Variants in ARNT observed in about 807,000 individuals in gnomAD.
The protein encoded by ARNT is aryl hydrocarbon receptor nuclear translocator.
A neutral mutation model predicts 105.0 loss-of-function variants in ARNT; 30 were observed. That is an observed-to-expected ratio of 0.29 (90% CI 0.21 to 0.39). The LOEUF (loss-of-function observed/expected upper bound fraction) is 0.39. Ranked by LOEUF, ARNT falls within the 10% of genes least tolerant of loss-of-function variation. ARNT has a pLI of 1.00. For missense variants in ARNT, 748 were observed against 978.7 expected, an observed-to-expected ratio of 0.76 and a Z score of 3.15; for synonymous variants, 304 against 344.0, an observed-to-expected ratio of 0.88 and a Z score of 1.29.
intron 21 of ARNT, 22 bp downstream of exon 21, chr1:150,813,150 G>C (rs776575226): frequency 5.6e-6 from 9 of 1,603,938 alleles, no homozygotes; most frequent in Non-Finnish European, 7.7e-6. Flanking sequence ...TCTAATTTTT[G>C]AAAGTCTTTT....
chr1:150,832,525 T>A lies in ARNT; in HGVS notation c.804-126A>T, dbSNP rs1262044472. On this transcript the variant is annotated intron_variant, in intron 8 of 21. Coordinates refer to ENST00000358595, the MANE Select transcript of ARNT (RefSeq NM_001668.4). ...AGAAAATTGGTAATGCTACTAATAA[T>A]GAAGGATAAAGATAGGTCAAGTTTA... 3 of 876,962 alleles carry A rather than the reference T, an allele frequency of 3.4e-6. No homozygotes were observed. The Admixed American group carries it at 6.6e-5, about 19-fold the overall frequency. The allele number at this position is 876,962 out of a possible 1,614,324, so 54.3% of individuals were successfully genotyped here. A position where few individuals can be genotyped will look rare whatever the true frequency, so the allele number is the denominator to read the frequency against.
chr1:150,839,257 GT>G (rs1418573466), intron 6 of ARNT, 183 bp downstream of exon 6: 2 of 619,768 alleles, frequency 3.2e-6, no homozygotes, highest in Non-Finnish European at 5.6e-6. Flanking sequence ...TTATTAAATA[GT>G]TTTCACAACT....
chr1:150,853,695 T>C (rs947878908), intron 2 of ARNT, among the ~76,000 whole-genome samples: 1 of 152,100 alleles, frequency 6.6e-6, no homozygotes, highest in Non-Finnish European at 1.5e-5. Flanking sequence ...GAAATACAAA[T>C]ATAAAACAAG....
intron 13 of ARNT, 115 bp from the exon 14 acceptor site, chr1:150,823,460 C>A: frequency 3.5e-6 from 3 of 850,096 alleles, no homozygotes; most frequent in Non-Finnish European, 3.4e-6. Flanking sequence ...CTTGAGGCAC[C>A]AATATTTTTC....
At chr1:150,859,084 T>A (rs1461127450) in intron 1 of ARNT, among the ~76,000 whole-genome samples, 2 of 151,440 alleles carry the variant, frequency 1.3e-5, no homozygotes. Flanking sequence ...TATACTAATT[T>A]TAAAAAAATA....
At chr1:150,862,935 C>T (rs949325197) in intron 1 of ARNT, among the ~76,000 whole-genome samples, 1 of 151,152 alleles carries the variant, frequency 6.6e-6, no homozygotes, top group African/African-American at 2.4e-5. Flanking sequence ...CCTGTAGTCC[C>T]AGCTACTCGG....
chr1:150,852,775 T>C lies in ARNT; in HGVS notation c.169A>G (p.Ser57Gly). The C allele has an allele frequency of 6.2e-7, 1 of 1,613,746 alleles. No homozygotes were observed. The highest frequency in any genetic ancestry group is 8.5e-7 in the Non-Finnish European group (1 of 1,179,820). ...LDFDDDGEGNSKFLRCDDDQM... is the reference protein window; with the variant it reads ...LDFDDDGEGNGKFLRCDDDQM... The stretch of plus-strand genomic sequence containing the variant: ...TCAGTCTCTTACCTCAAAAATTTAC[T>C]GTTCCCTTCTCCATCATCATCAAAA... Residue 57 changes from serine (S) to glycine (G), a missense_variant, in exon 3 of 22, where the codon AGT becomes GGT. Ser to Gly is a moderately conservative substitution (Grantham distance 56, BLOSUM62 0). Coordinates refer to ENST00000358595, the MANE Select transcript of ARNT (RefSeq NM_001668.4).
intron 10 of ARNT, 133 bp from the exon 11 acceptor site, chr1:150,830,113 C>CT: frequency 1.1e-6 from 1 of 925,408 alleles, no homozygotes; most frequent in Non-Finnish European, 1.6e-6. Context: ...AATCCCAACA[C>CT]TTTGGGAAGC....
At position 150,876,595 on chromosome 1, in the gene ARNT, A is replaced by C. The variant is rs1487200283; in HGVS notation, c.-28T>G. 7.2e-5 allele frequency: 98 copies of C among 1,367,720 alleles called. No homozygotes were observed. The highest frequency in any genetic ancestry group is 5.0e-4 in the African/African-American group (33 of 66,348). 84.7% of individuals were successfully genotyped at this position (1,367,720 alleles called of 1,614,324 possible). A position where few individuals can be genotyped will look rare whatever the true frequency, so the allele number is the denominator to read the frequency against. On this transcript the variant is annotated 5_prime_UTR_variant, in exon 1 of 22. Coordinates refer to ENST00000358595, the MANE Select transcript of ARNT (RefSeq NM_001668.4). ...CCGCAGATGCCACCGCCGCCGCGCC[A>C]CCCCCCCCCCCAGTGGGAGGAGCCG...
At chr1:150,850,823 G>A (rs899347314) in intron 3 of ARNT, among the ~76,000 whole-genome samples, 7 of 151,014 alleles carry the variant, frequency 4.6e-5, no homozygotes, top group South Asian at 2.1e-4. Flanking sequence ...CCGCCATCCC[G>A]TCTAGGAAGT....
chr1:150,849,551 C>T (rs1662920724), intron 3 of ARNT, among the ~76,000 whole-genome samples: 1 of 152,100 alleles, frequency 6.6e-6, no homozygotes, highest in African/African-American at 2.4e-5. Flanking sequence ...TTTGGAAGGC[C>T]AAGGTGGGAG....
intron 2 of ARNT, 82 bp downstream of exon 2, chr1:150,858,267 G>C (rs1664977078): frequency 9.6e-7 from 1 of 1,038,916 alleles, no homozygotes; most frequent in South Asian, 1.4e-5. Context: ...GAATAGCGAA[G>C]TGAGTTCAGC....
At chr1:150,853,272 A>T (rs1663976100) in intron 2 of ARNT, 1 of 379,860 alleles carries the variant, frequency 2.6e-6, no homozygotes, top group South Asian at 1.9e-5. Context: ...CAACTGCAAG[A>T]CTCCATCTCA....
chr1:150,838,900 G>A (rs1444374372), intron 6 of ARNT, among the ~76,000 whole-genome samples: 2 of 152,064 alleles, frequency 1.3e-5, no homozygotes, highest in Non-Finnish European at 2.9e-5. Flanking sequence ...TATTTTCTGT[G>A]ATATCCTGCC....
rs10531895 is a variant in ARNT at position 150,828,350 on chromosome 1, G to GT, written c.1167+742dup. Among the ~76,000 whole-genome samples the GT allele has an allele frequency of 4.1e-3, 476 of 115,554 alleles. 1 individual carries two copies. The highest frequency in any genetic ancestry group is 0.013 in the African/African-American group (428 of 32,880). 75.8% of individuals were successfully genotyped at this position (115,554 alleles called of 152,430 possible). On this transcript the variant is annotated intron_variant, in intron 12 of 21. Transcript: ENST00000358595. ...CATTTTTGGGTGTGGTTTTTTTTTT[G>GT]TTTTTTTTTTTTTTTGCATACAGAT...
intron 3 of ARNT, among the ~76,000 whole-genome samples, chr1:150,847,494 C>T (rs587641831): frequency 1.3e-4 from 19 of 151,828 alleles, no homozygotes; most frequent in East Asian, 1.9e-4. Context: ...CACAACAACC[C>T]GACTTGGTAA....
chr1:150,836,236 C>T (rs747711331), intron 7 of ARNT, 44 bp downstream of exon 7: 2 of 1,580,152 alleles, frequency 1.3e-6, no homozygotes, highest in Non-Finnish European at 1.7e-6. Context: ...AGGAAAAAAA[C>T]AAGAAAGGAC....
chr1:150,825,730 TC>T lies in ARNT; in HGVS notation c.1242+812del, dbSNP rs1658083474. 2.6e-5 allele frequency among the ~76,000 whole-genome samples: 4 copies of T among 151,654 alleles called. No individual in the cohort carries two copies. In the South Asian group the frequency reaches 8.3e-4, roughly 32 times the overall value. ...TGGGCGTGGCAGCATGTGCCTATAA[TC>T]CCAGCTACTCGGGGGGCTGAAACAG... is the stretch of plus-strand genomic sequence containing the variant. On this transcript the variant is annotated intron_variant, in intron 13 of 21. Transcript: ENST00000358595.
intron 21 of ARNT, among the ~76,000 whole-genome samples, chr1:150,812,895 G>A (rs143239941): frequency 6.6e-5 from 10 of 152,276 alleles, no homozygotes; most frequent in African/African-American, 1.2e-4. Context: ...GACAGGATCA[G>A]GCTAGTTGCT....
Sources: allele counts gnomAD v4.1 joint callset (sites outside exome capture counted in the v4.1 genomes callset), GRCh38; gene constraint gnomAD v4.1.1; transcripts MANE v1.5; gene names NCBI Gene and HGNC (gene_info 2026-07-23, HGNC 2026-07-21).